Variants in TRPM4 observed in about 807,000 individuals in gnomAD.
TRPM4 encodes the protein calcium-activated non-selective cation channel 1.
Under a neutral mutation model 135.6 loss-of-function variants are expected in TRPM4, and 124 were observed. The ratio of observed to expected loss-of-function variants is 0.91; its 90% CI spans 0.79 to 1.06. The LOEUF (loss-of-function observed/expected upper bound fraction) is 1.06. Among genes scored for constraint, TRPM4 ranks in the 50% least tolerant of loss-of-function variants. The pLI is 0.00. For synonymous variants in TRPM4, 745 were observed against 705.6 expected, an observed-to-expected ratio of 1.06 and a Z score of -0.88; for missense variants, 1,658 against 1,671.4, an observed-to-expected ratio of 0.99 and a Z score of 0.14.
At chr19:49,179,550 G>C (rs981202656) in intron 9 of TRPM4, among the ~76,000 whole-genome samples, 1 of 149,904 alleles carries the variant, frequency 6.7e-6, no homozygotes, top group Non-Finnish European at 1.5e-5. Context: ...GGGTTTCACC[G>C]TGTTACCCAG....
intron 2 of TRPM4, 37 bp downstream of exon 2, chr19:49,158,296 C>G: frequency 6.3e-7 from 1 of 1,596,252 alleles, no homozygotes; most frequent in South Asian, 1.1e-5. Flanking sequence ...CCAGAGGGTC[C>G]GCGGCCCGCT....
chr19:49,162,864 C>A (rs1172203144), intron 2 of TRPM4, among the ~76,000 whole-genome samples: 1 of 151,734 alleles, frequency 6.6e-6, no homozygotes, highest in Non-Finnish European at 1.5e-5. Context: ...CGGGTTCATG[C>A]CATTCTCCTG....
At chr19:49,179,661 ATAT>A (rs1252139452) in intron 9 of TRPM4, among the ~76,000 whole-genome samples, 2 of 152,216 alleles carry the variant, frequency 1.3e-5, no homozygotes, top group African/African-American at 4.8e-5. Context: ...GTAAAGCAAG[ATAT>A]TATGAACAAT....
rs1272751954 is a variant in TRPM4 at position 49,182,478 on chromosome 19, ATCCATCCATCCATC to A, written c.1264-99_1264-86del. 3,325 of 877,206 alleles carry A rather than the reference ATCCATCCATCCATC, an allele frequency of 3.8e-3. 81 individuals are homozygous for A. The African/African-American group carries it at 0.049, about 13-fold the overall frequency. The allele number at this position is 877,206 out of a possible 1,614,324, so 54.3% of individuals were successfully genotyped here. On this transcript the variant is annotated intron_variant, in intron 10 of 24. Transcript: ENST00000252826. ...CATCCATCCATCCATCCATCCATCC[ATCCATCCATCCATC>A]CATCCATCCGTCCCTCATACCCTTG... is the stretch of plus-strand genomic sequence containing the variant.
chr19:49,181,535 T>C (rs1393835804), intron 10 of TRPM4, 74 bp downstream of exon 10: 1,011 of 842,192 alleles, frequency 1.2e-3, no homozygotes, highest in Non-Finnish European at 1.2e-3. Flanking sequence ...GCCTTCTTTT[T>C]TTTTTTTTTT....
chr19:49,178,545 T>A (rs916722316), intron 9 of TRPM4, among the ~76,000 whole-genome samples: 1 of 151,742 alleles, frequency 6.6e-6, no homozygotes, highest in African/African-American at 2.4e-5. Flanking sequence ...ACAAGGACAG[T>A]ACCTGCGGGT....
intron 2 of TRPM4, 50 bp downstream of exon 2, chr19:49,158,309 C>T: frequency 6.4e-7 from 1 of 1,570,030 alleles, no homozygotes. Context: ...GGCCCGCTGA[C>T]CCCGCCCGCG....
chr19:49,178,198 C>T (rs923622335), intron 9 of TRPM4, among the ~76,000 whole-genome samples: 1 of 152,156 alleles, frequency 6.6e-6, no homozygotes, highest in Non-Finnish European at 1.5e-5. Context: ...TACTGTGCGC[C>T]TGTAGTCCCA....
chr19:49,208,212 G>A (rs1969219211), intron 20 of TRPM4, among the ~76,000 whole-genome samples: 2 of 152,194 alleles, frequency 1.3e-5, no homozygotes, highest in African/African-American at 4.8e-5. Flanking sequence ...AAACAGGAGT[G>A]TGACCGCTGA....
rs1341539663 is a variant in TRPM4, at chr19:49,171,245, CAGA to C, written c.797-108_797-106del. 22 of 1,130,582 alleles carry C rather than the reference CAGA, an allele frequency of 1.9e-5. No individual in the cohort carries two copies. Among genetic ancestry groups the C allele is most frequent in the Non-Finnish European group, 1.3e-6 (1 of 741,272 alleles). The allele number at this position is 1,130,582 out of a possible 1,614,324, so 70.0% of individuals were successfully genotyped here. On this transcript the variant is annotated intron_variant, in intron 6 of 24. Transcript: ENST00000252826. The surrounding 1 kb of genome is among the most constrained non-coding windows in gnomAD (Gnocchi z 4.7). ...ATGACAATTCCAATGAGCCTCTGAA[CAGA>C]AGATTAGGACAAGGCTGATGTTTGC...
At position 49,171,720 on chromosome 19, in the gene TRPM4, G is replaced by A. The variant is rs1037101571; in HGVS notation, c.1001G>A (p.Arg334Gln). Reference protein sequence around the residue: ...GGARQGEARDRIRRFFPKGDL... With the variant: ...GGARQGEARDQIRRFFPKGDL... ...GCCAGGCAAGGCGAAGCCCGAGATC[G>A]AATCAGGCGTTTCTTTCCCAAAGGG... The change falls in exon 8 of 25, where the codon CGA (arginine) becomes CAA (glutamine). Residue 334 changes from arginine (R) to glutamine (Q), a missense_variant. Coordinates refer to ENST00000252826, the MANE Select transcript of TRPM4 (RefSeq NM_017636.4). The surrounding 1 kb of genome is among the most constrained non-coding windows in gnomAD (Gnocchi z 4.7). The A allele has an allele frequency of 6.8e-6, 11 of 1,613,230 alleles. No individual in the cohort carries two copies. Among genetic ancestry groups the A allele is most frequent in the African/African-American group, 2.7e-5 (2 of 74,882 alleles).
In TRPM4 at chr19:49,210,495, C is replaced by T. The variant is rs974611195; in HGVS notation, c.3328+90C>T. The T allele has an allele frequency of 1.3e-5, 20 of 1,514,868 alleles. No individual in the cohort carries two copies. Among genetic ancestry groups the T allele is most frequent in the East Asian group, 2.3e-5 (1 of 43,710 alleles). The allele number at this position is 1,514,868 out of a possible 1,614,324, so 93.8% of individuals were successfully genotyped here. ...AAGGGGGCATGCCCCAAATGACTAA[C>T]GGGCGTGGCTTAGGTAGCGAGGGGC... On this transcript the variant is annotated intron_variant, in intron 21 of 24. Transcript: ENST00000252826. The surrounding 1 kb of genome is among the most constrained non-coding windows in gnomAD (Gnocchi z 4.1).
intron 12 of TRPM4, among the ~76,000 whole-genome samples, chr19:49,184,680 T>C (rs1418227486): frequency 6.6e-6 from 1 of 151,850 alleles, no homozygotes; most frequent in Admixed American, 6.6e-5. Context: ...AGGGTTTCAC[T>C]GTGTTAGCCA....
At chr19:49,182,510 T>G in intron 10 of TRPM4, 68 bp from the exon 11 acceptor site, 1 of 1,297,418 alleles carries the variant, frequency 7.7e-7, no homozygotes, top group Non-Finnish European at 1.1e-6. Flanking sequence ...CCGTCCCTCA[T>G]ACCCTTGCCC....
Position 49,194,844 on chromosome 19 carries a change from C to A in TRPM4, c.2211-1596C>A, listed in dbSNP as rs746167933. Among the ~76,000 whole-genome samples the A allele has an allele frequency of 3.4e-4, 51 of 150,254 alleles. 1 individual carries two copies. The highest frequency in any genetic ancestry group is 3.4e-3 in the Middle Eastern group (1 of 290). ...GTAGCTTGATCTTGGCTCACTGCAGCCTCAACCTCCCAGTGTCAAGTGATT... is the reference window on the plus strand; with the variant it reads ...GTAGCTTGATCTTGGCTCACTGCAGACTCAACCTCCCAGTGTCAAGTGATT... On this transcript the variant is annotated intron_variant, in intron 16 of 24. Coordinates refer to ENST00000252826, the MANE Select transcript of TRPM4 (RefSeq NM_017636.4).
rs779713475 is a variant in TRPM4 at position 49,168,401 on chromosome 19, G to A, written c.590G>A (p.Arg197Lys). Residue 197 changes from arginine (R) to lysine (K), a missense_variant, in exon 5 of 25, where the codon AGA becomes AAA. Physicochemically the swap from Arg to Lys is conservative, Grantham distance 26 (BLOSUM62 2). This residue lies in a region of TRPM4 where 1,412 missense variants were observed against 1,408.7 expected (regional missense o/e 1.00). Transcript: ENST00000252826. ...GCCCCCTGGGGTGTGGTCCGGAATA[G>A]AGACACCCTCATCAACCCCAAGGTG... is the stretch of plus-strand genomic sequence containing the variant. ...GVAPWGVVRNRDTLINPKGSF... is the reference protein window; with the variant it reads ...GVAPWGVVRNKDTLINPKGSF... 2 of 1,614,040 alleles carry A rather than the reference G, an allele frequency of 1.2e-6. No homozygotes were observed. Among genetic ancestry groups the A allele is most frequent in the East Asian group, 4.5e-5 (2 of 44,880 alleles).
rs1968292753 is a variant in TRPM4 at position 49,188,743 on chromosome 19, G to C, written c.1846G>C (p.Ala616Pro). The C allele has an allele frequency of 6.2e-7, 1 of 1,614,112 alleles. No individual in the cohort carries two copies. The highest frequency in any genetic ancestry group is 8.5e-7 in the Non-Finnish European group (1 of 1,180,046). ...GGAGGCAGCACGGAGGAAAGACCTGGCGTTCAAGTTTGAGGGGATGGGCGT... is the reference window on the plus strand; with the variant it reads ...GGAGGCAGCACGGAGGAAAGACCTGCCGTTCAAGTTTGAGGGGATGGGCGT... ...AEEAARRKDL[A>P]FKFEGMGVDL... is the part of the protein sequence containing the mutation. Residue 616 changes from alanine (A) to proline (P), a missense_variant, in exon 13 of 25, where the codon GCG becomes CCG. By Grantham distance (27) the Ala-to-Pro change is conservative (BLOSUM62 -1). This residue lies in a region of TRPM4 where 1,412 missense variants were observed against 1,408.7 expected (regional missense o/e 1.00). Transcript: ENST00000252826.
chr19:49,172,251 G>A, intron 9 of TRPM4, 143 bp downstream of exon 9: 5 of 714,706 alleles, frequency 7.0e-6, no homozygotes, highest in Non-Finnish European at 9.9e-6. Context: ...TTGGGGCTTT[G>A]CATGGTGCTA....
chr19:49,180,732 A>C (rs2122907922), intron 9 of TRPM4, among the ~76,000 whole-genome samples: 1 of 151,120 alleles, frequency 6.6e-6, no homozygotes, highest in Admixed American at 6.6e-5. Flanking sequence ...CTTCCCTTTA[A>C]TCGCCCATCC....
Sources: allele counts gnomAD v4.1 joint callset (sites outside exome capture counted in the v4.1 genomes callset), GRCh38; gene constraint gnomAD v4.1.1; regional missense constraint gnomAD v4.1.1; non-coding constraint Gnocchi (gnomAD v3.1); transcripts MANE v1.5; gene names NCBI Gene and HGNC (gene_info 2026-07-23, HGNC 2026-07-21).